EXD3: variants seen among roughly 807,000 people sequenced by gnomAD.
The protein encoded by EXD3 is exonuclease mut-7 homolog.
EXD3 carries 92 observed loss-of-function variants against 98.0 expected under a neutral mutation model. The observed-to-expected ratio is 0.94, with a 90% CI of 0.79 to 1.12. EXD3 has a LOEUF of 1.12. Ranked by LOEUF, EXD3 falls within the 50% of genes most tolerant of loss-of-function variation. The pLI is 0.00. For missense variants in EXD3, 1,222 were observed against 1,191.6 expected, an observed-to-expected ratio of 1.03 and a Z score of -0.38; for synonymous variants, 569 against 526.0, an observed-to-expected ratio of 1.08 and a Z score of -1.12.
At chr9:137,402,119 G>C (rs1837503652) in intron 1 of EXD3, among the ~76,000 whole-genome samples, 1 of 152,080 alleles carries the variant, frequency 6.6e-6, no homozygotes, top group Admixed American at 6.6e-5. Flanking sequence ...TGGTTCAAGT[G>C]ATTCTCTTGC....
At chr9:137,307,714 C>T in intron 20 of EXD3, 68 bp from the exon 21 acceptor site, 1 of 1,570,054 alleles carries the variant, frequency 6.4e-7, no homozygotes, top group African/African-American at 1.3e-5. Flanking sequence ...CAGCGGGGTC[C>T]ATGACGCAGC....
rs1588249764 is a variant in EXD3 at position 137,324,694 on chromosome 9, G to C, written c.1999-551C>G. Among the ~76,000 whole-genome samples, 1 of 152,108 alleles carries C rather than the reference G, an allele frequency of 6.6e-6. No homozygotes were observed. Among genetic ancestry groups the C allele is most frequent in the Non-Finnish European group, 1.5e-5 (1 of 68,028 alleles). ...AAAGGAGATACAAAATTAAAATTAA[G>C]GATTTTTTTTGTTTTTTAGACGGAG... On this transcript the variant is annotated intron_variant, in intron 17 of 21. Coordinates refer to ENST00000340951, the MANE Select transcript of EXD3 (RefSeq NM_017820.5). The surrounding 1 kb of genome is among the most constrained non-coding windows in gnomAD (Gnocchi z 4.1).
Position 137,407,938 on chromosome 9 carries a change from C to G in EXD3, c.-47-12534G>C, listed in dbSNP as rs1564216447. 6.6e-6 allele frequency among the ~76,000 whole-genome samples: 1 copy of G among 151,306 alleles called. No homozygotes were observed. The highest frequency in any genetic ancestry group is 6.6e-5 in the Admixed American group (1 of 15,154). ...GGCCCCGCAGCACACAAATGCGGAG[C>G]CTCAAGCCTCCAGGGGTTTTCCAGC... On this transcript the variant is annotated intron_variant, in intron 1 of 21. Coordinates refer to ENST00000340951, the MANE Select transcript of EXD3 (RefSeq NM_017820.5). This position sits in a 1 kb window ranked among gnomAD's most constrained non-coding sequence, Gnocchi z 4.4.
intron 2 of EXD3, among the ~76,000 whole-genome samples, chr9:137,391,567 C>A (rs564030085): frequency 6.7e-6 from 1 of 150,358 alleles, no homozygotes; most frequent in African/African-American, 2.5e-5. Flanking sequence ...GGCCTCCCCG[C>A]CCCACCCCAC....
rs1193130788 is a variant in EXD3, at chr9:137,349,906, A to T, written c.1495-375T>A. ...TGCATAAAACAGCAGAAACGCAGAC[A>T]AAATGCAGCGAAACCACCCCCGGGG... On this transcript the variant is annotated intron_variant, in intron 14 of 21. Coordinates refer to ENST00000340951, the MANE Select transcript of EXD3 (RefSeq NM_017820.5). This position sits in a 1 kb window ranked among gnomAD's most constrained non-coding sequence, Gnocchi z 7.4. 1.3e-5 allele frequency among the ~76,000 whole-genome samples: 2 copies of T among 152,008 alleles called. No individual in the cohort carries two copies. The highest frequency in any genetic ancestry group is 4.8e-5 in the African/African-American group (2 of 41,392).
Position 137,384,641 on chromosome 9 carries a change from C to T in EXD3, c.56-1264G>A, listed in dbSNP as rs148521071. 1.4e-3 allele frequency among the ~76,000 whole-genome samples: 214 copies of T among 152,298 alleles called. 1 individual carries two copies. The highest frequency in any genetic ancestry group is 6.8e-3 in the Middle Eastern group (2 of 294). On this transcript the variant is annotated intron_variant, in intron 2 of 21. Transcript: ENST00000340951. Reference sequence around the variant, plus strand: ...ATGTGATTGATTACACAGAAAGCCACGAAGGATCAAAACTACGCCGTTAGA... The same window carrying T: ...ATGTGATTGATTACACAGAAAGCCATGAAGGATCAAAACTACGCCGTTAGA...
At position 137,328,602 on chromosome 9, in the gene EXD3, C is replaced by G. The variant is rs1368100688; in HGVS notation, c.1999-4459G>C. 1.2e-4 allele frequency among the ~76,000 whole-genome samples: 7 copies of G among 57,108 alleles called. No homozygotes were observed. The Middle Eastern group carries it at 0.024, about 197-fold the overall frequency. 37.5% of individuals were successfully genotyped at this position (57,108 alleles called of 152,430 possible). On this transcript the variant is annotated intron_variant, in intron 17 of 21. Coordinates refer to ENST00000340951, the MANE Select transcript of EXD3 (RefSeq NM_017820.5). ...AGGAGCTACACGGGACTACACGGGA[C>G]TACACGGGGCTACACGGGACTACAC...
At position 137,317,099 on chromosome 9, in the gene EXD3, G is replaced by A. The variant is rs186426508; in HGVS notation, c.2184+6626C>T. Among the ~76,000 whole-genome samples, 742 of 152,268 alleles carry A rather than the reference G, an allele frequency of 4.9e-3. 1 individual carries two copies. The highest frequency in any genetic ancestry group is 7.8e-3 in the Non-Finnish European group (527 of 67,994). ...GTGGCGGGCCTGGAGGGGGTGGGAAGGAAAGGGTCAGGAGACCCCAGCCGG... is the reference window on the plus strand; with the variant it reads ...GTGGCGGGCCTGGAGGGGGTGGGAAAGAAAGGGTCAGGAGACCCCAGCCGG... On this transcript the variant is annotated intron_variant, in intron 19 of 21. Coordinates refer to ENST00000340951, the MANE Select transcript of EXD3 (RefSeq NM_017820.5).
chr9:137,321,021 G>A (rs976982854), intron 19 of EXD3, among the ~76,000 whole-genome samples: 2 of 152,192 alleles, frequency 1.3e-5, no homozygotes, highest in Admixed American at 1.3e-4. Flanking sequence ...GGCAGAGGCC[G>A]CGGTCCCCGC....
chr9:137,367,603 G>A (rs1368165697), intron 6 of EXD3: 1 of 290,766 alleles, frequency 3.4e-6, no homozygotes, highest in Non-Finnish European at 6.5e-6. Flanking sequence ...TGCAGCAGAG[G>A]AGGGTCCCAG....
chr9:137,380,819 T>G (rs562210887), intron 3 of EXD3, among the ~76,000 whole-genome samples: 1 of 148,738 alleles, frequency 6.7e-6, no homozygotes, highest in East Asian at 2.0e-4. Context: ...CCCGAGGGGC[T>G]GTTAGGATAG....
chr9:137,413,825 T>TC (rs1399700532), intron 1 of EXD3, among the ~76,000 whole-genome samples: 2 of 151,770 alleles, frequency 1.3e-5, no homozygotes, highest in Non-Finnish European at 1.5e-5. Flanking sequence ...CCTCTGCCCC[T>TC]CCTCAGCCCC....
intron 2 of EXD3, among the ~76,000 whole-genome samples, chr9:137,390,996 G>A (rs1172860947): frequency 1.3e-5 from 2 of 152,246 alleles, no homozygotes; most frequent in East Asian, 3.9e-4. Flanking sequence ...GGGTCCTGGA[G>A]GCAGATCTGG....
intron 19 of EXD3, among the ~76,000 whole-genome samples, chr9:137,320,721 C>T (rs1217907913): frequency 1.3e-5 from 2 of 152,224 alleles, no homozygotes; most frequent in Non-Finnish European, 2.9e-5. Context: ...CTTGGCGGCC[C>T]CTCCATGCCT....
At chr9:137,307,410 G>T in intron 21 of EXD3, 147 bp from the exon 22 acceptor site, 1 of 1,338,982 alleles carries the variant, frequency 7.5e-7, no homozygotes, top group South Asian at 1.5e-5. Context: ...CGCTGACTCT[G>T]CGTCCTCCAC....
In EXD3 at chr9:137,325,248, C is replaced by T. The variant is rs532026529; in HGVS notation, c.1999-1105G>A. 4.2e-4 allele frequency among the ~76,000 whole-genome samples: 64 copies of T among 152,130 alleles called. No individual in the cohort carries two copies. In the Middle Eastern group the frequency reaches 0.014, roughly 32 times the overall value. On this transcript the variant is annotated intron_variant, in intron 17 of 21. Transcript: ENST00000340951. ...TCCAGATCTAAGGTAGAAATGCAGA[C>T]AACGAGGCCGGAGCGTCTAGATGCT... is the stretch of plus-strand genomic sequence containing the variant.
intron 8 of EXD3, 90 bp from the exon 9 acceptor site, chr9:137,354,863 T>C (rs1834535915): frequency 1.6e-6 from 2 of 1,271,904 alleles, no homozygotes; most frequent in African/African-American, 2.9e-5. Flanking sequence ...GCAGAGGGGC[T>C]GCGCCTGCCC....
chr9:137,360,463 C>CTTTTT (rs398113954), intron 7 of EXD3, among the ~76,000 whole-genome samples: 2 of 59,386 alleles, frequency 3.4e-5, no homozygotes, highest in African/African-American at 1.0e-4. Flanking sequence ...TTTTCTTCTT[C>CTTTTT]TTTTTTTTTT....
Position 137,354,078 on chromosome 9 carries a change from T to C in EXD3, c.870+261A>G. ...CCCACAGGCAGCTCCGCTGGGTTGG[T>C]TCGGGTGGCACGGACGCTGCCGTCT... is the stretch of plus-strand genomic sequence containing the variant. On this transcript the variant is annotated intron_variant, in intron 10 of 21. Transcript: ENST00000340951. The C allele has an allele frequency of 4.9e-6, 6 of 1,231,550 alleles. No homozygotes were observed. The South Asian group carries it at 2.0e-4, about 41-fold the overall frequency. The allele number at this position is 1,231,550 out of a possible 1,614,324, so 76.3% of individuals were successfully genotyped here.
Sources: gnomAD v4.1 joint callset for allele counts (sites outside exome capture counted in the v4.1 genomes callset) on GRCh38, gnomAD v4.1.1 for gene constraint, Gnocchi (gnomAD v3.1) non-coding constraint, MANE v1.5 for transcripts, NCBI Gene and HGNC (gene_info 2026-07-23, HGNC 2026-07-21) for gene names.